USP37: variants seen among roughly 807,000 people sequenced by gnomAD.
USP37 encodes ubiquitin specific peptidase 37, also known as ubiquitin carboxyl-terminal hydrolase 37.
USP37 carries 27 observed loss-of-function variants against 124.0 expected under a neutral mutation model. The observed-to-expected ratio is 0.22, with a 90% CI of 0.16 to 0.30. The LOEUF is 0.30. Among genes scored for constraint, USP37 ranks in the 10% least tolerant of loss-of-function variants. The pLI, the probability that USP37 is intolerant of heterozygous loss-of-function variation, is 1.00. For missense variants in USP37, 889 were observed against 1,140.4 expected, an observed-to-expected ratio of 0.78 and a Z score of 3.17; for synonymous variants, 365 against 388.0, an observed-to-expected ratio of 0.94 and a Z score of 0.70.
chr2:218,567,142 G>A (rs931968735), intron 1 of USP37, among the ~76,000 whole-genome samples: 12 of 152,130 alleles, frequency 7.9e-5, no homozygotes, highest in South Asian at 4.1e-4. Flanking sequence ...AGAGGACCTA[G>A]GACTGAACCC....
intron 8 of USP37, among the ~76,000 whole-genome samples, chr2:218,535,173 G>C (rs1691551471): frequency 6.6e-6 from 1 of 151,708 alleles, no homozygotes; most frequent in Non-Finnish European, 1.5e-5. Flanking sequence ...AGACCAGCCT[G>C]GCCAACATAG....
At chr2:218,484,471 A>G (rs1383663557) in intron 16 of USP37, among the ~76,000 whole-genome samples, 1 of 151,656 alleles carries the variant, frequency 6.6e-6, no homozygotes, top group Non-Finnish European at 1.5e-5. Flanking sequence ...AAAATACAAA[A>G]ATTAGCCAGG....
chr2:218,511,879 C>G (rs192765987), intron 10 of USP37, among the ~76,000 whole-genome samples: 1 of 151,306 alleles, frequency 6.6e-6, no homozygotes, highest in Non-Finnish European at 1.5e-5. Flanking sequence ...CATAAGAGCA[C>G]AGAAATTTTT....
intron 1 of USP37, among the ~76,000 whole-genome samples, chr2:218,565,003 C>A (rs570306319): frequency 6.6e-6 from 1 of 152,174 alleles, no homozygotes; most frequent in Non-Finnish European, 1.5e-5. Flanking sequence ...CTCACTGCAA[C>A]CTCCACCTCC....
At chr2:218,504,673 GA>G (rs1574896357) in intron 11 of USP37, among the ~76,000 whole-genome samples, 1 of 152,144 alleles carries the variant, frequency 6.6e-6, no homozygotes, top group African/African-American at 2.4e-5. Flanking sequence ...AGCCTCAAGT[GA>G]TCCTCCCATT....
chr2:218,464,239 CT>C lies in USP37; in HGVS notation c.2467-874del, dbSNP rs71403042. Among the ~76,000 whole-genome samples, 416 of 142,410 alleles carry C rather than the reference CT, an allele frequency of 2.9e-3. 1 individual carries two copies. The highest frequency in any genetic ancestry group is 3.7e-3 in the Middle Eastern group (1 of 270). The allele number at this position is 142,410 out of a possible 152,430, so 93.4% of individuals were successfully genotyped here. A position where few individuals can be genotyped will look rare whatever the true frequency, so the allele number is the denominator to read the frequency against. ...CCACTGATCTAGAGAAATTAGATTT[CT>C]TTTTTTTTTTTTGAGACAGAGTCTT... On this transcript the variant is annotated intron_variant, in intron 21 of 25. Transcript: ENST00000258399.
At chr2:218,479,163 ATTTGTAGAATGC>A (rs934380923) in intron 18 of USP37, among the ~76,000 whole-genome samples, 3 of 152,222 alleles carry the variant, frequency 2.0e-5, no homozygotes, top group African/African-American at 7.2e-5. Context: ...AAAATAGGGC[ATTTGTAGAATGC>A]TTGCTTGTTT....
chr2:218,489,393 GAAAC>G (rs1691784494), intron 14 of USP37, among the ~76,000 whole-genome samples: 1 of 150,786 alleles, frequency 6.6e-6, no homozygotes, highest in African/African-American at 2.4e-5. Flanking sequence ...AAAAAAGAAA[GAAAC>G]AGAACAACAC....
At chr2:218,555,556 A>T (rs896994486) in intron 4 of USP37, among the ~76,000 whole-genome samples, 1 of 152,216 alleles carries the variant, frequency 6.6e-6, no homozygotes, top group Admixed American at 6.5e-5. Context: ...TCAATTTATC[A>T]CTTTTTAAAA....
chr2:218,530,570 T>C (rs1049594778), intron 9 of USP37, among the ~76,000 whole-genome samples: 2 of 152,124 alleles, frequency 1.3e-5, no homozygotes, highest in African/African-American at 4.8e-5. Context: ...TTAGGATAAT[T>C]AATAACCCTA....
Position 218,547,022 on chromosome 2 carries a change from C to T in USP37, c.499G>A (p.Gly167Ser). The T allele has an allele frequency of 1.2e-6, 2 of 1,612,732 alleles. No individual in the cohort carries two copies. Among genetic ancestry groups the T allele is most frequent in the Non-Finnish European group, 1.7e-6 (2 of 1,179,706 alleles). Residue 167 changes from glycine to serine, a missense_variant, in exon 7 of 26, where the codon GGT becomes AGT. Physicochemically the swap from Gly to Ser is moderately conservative, Grantham distance 56. Transcript: ENST00000258399. ...IPFRKVLGNP[G>S]RGSIKTVAGS... ...GCTACAGTCTTAATCGATCCTCTACCCGGATTACCAAGAACTTTTCGAAAT... is the reference window on the plus strand; with the variant it reads ...GCTACAGTCTTAATCGATCCTCTACTCGGATTACCAAGAACTTTTCGAAAT...
At chr2:218,506,742 T>C (rs1689703091) in intron 11 of USP37, among the ~76,000 whole-genome samples, 1 of 152,106 alleles carries the variant, frequency 6.6e-6, no homozygotes, top group Non-Finnish European at 1.5e-5. Flanking sequence ...CTTTTCTGAG[T>C]TAAAGCATTT....
Position 218,451,952 on chromosome 2 carries a change from TGA to T in USP37, c.*2976_*2977del, listed in dbSNP as rs1290153599. 1 of 152,646 alleles carries T rather than the reference TGA, an allele frequency of 6.6e-6. No homozygotes were observed. The highest frequency in any genetic ancestry group is 2.4e-5 in the African/African-American group (1 of 41,448). The allele number at this position is 152,646 out of a possible 1,614,324, so 9.5% of individuals were successfully genotyped here. ...TTCTATCCTGCTGAGACAAAACTCA[TGA>T]GTGTGCACACACATGTGAATATATC... On this transcript the variant is annotated 3_prime_UTR_variant, in exon 26 of 26. Coordinates refer to ENST00000258399, the MANE Select transcript of USP37 (RefSeq NM_020935.3).
intron 20 of USP37, among the ~76,000 whole-genome samples, chr2:218,468,780 A>T (rs879412637): frequency 1.3e-5 from 2 of 151,856 alleles, no homozygotes; most frequent in Non-Finnish European, 2.9e-5. Context: ...TGCAACCTCC[A>T]ACTCCCGGGT....
chr2:218,517,726 G>A (rs756097697), intron 10 of USP37, among the ~76,000 whole-genome samples: 2 of 152,058 alleles, frequency 1.3e-5, no homozygotes, highest in African/African-American at 4.8e-5. Flanking sequence ...TATTCATTAG[G>A]CTTCTTAATT....
intron 20 of USP37, among the ~76,000 whole-genome samples, chr2:218,468,726 C>T (rs1690507229): frequency 1.3e-5 from 2 of 152,094 alleles, no homozygotes; most frequent in African/African-American, 4.8e-5. Context: ...CCGACTCTCA[C>T]TCTGTTGGCC....
rs2106399722 is a variant in USP37 at position 218,450,576 on chromosome 2, T to C, written c.*4354A>G. On this transcript the variant is annotated 3_prime_UTR_variant, in exon 26 of 26. Coordinates refer to ENST00000258399, the MANE Select transcript of USP37 (RefSeq NM_020935.3). ...AACAATGACAATAGGCCAGAGAAGT[T>C]AGGGAGGGAAAGAAAAGCTCAAAGG... is the stretch of plus-strand genomic sequence containing the variant. 6.5e-6 allele frequency: 1 copy of C among 152,684 alleles called. No individual in the cohort carries two copies. The highest frequency in any genetic ancestry group is 2.4e-5 in the African/African-American group (1 of 41,566). 9.5% of individuals were successfully genotyped at this position (152,684 alleles called of 1,614,324 possible).
chr2:218,482,150 T>G lies in USP37; in HGVS notation c.1755A>C (p.Pro585=). ...NNKIGQQVII[P]RYLTLSSHCT... ...AATGAGATGACAGGGTCAGGTATCT[T>G]GGAATGATGACTTGCTGCCCAATCT... Residue 585 remains proline, a synonymous_variant, in exon 17 of 26, where the codon CCA becomes CCC. Transcript: ENST00000258399. 6.2e-7 allele frequency: 1 copy of G among 1,614,006 alleles called. No individual in the cohort carries two copies. The highest frequency in any genetic ancestry group is 8.5e-7 in the Non-Finnish European group (1 of 1,179,910).
At chr2:218,551,674 C>T (rs1417440709) in intron 5 of USP37, among the ~76,000 whole-genome samples, 1 of 152,162 alleles carries the variant, frequency 6.6e-6, no homozygotes, top group African/African-American at 2.4e-5. Flanking sequence ...GCTTTTCTTA[C>T]ACGTATCAAT....
Sources: allele counts gnomAD v4.1 joint callset (sites outside exome capture counted in the v4.1 genomes callset), GRCh38; gene constraint gnomAD v4.1.1; transcripts MANE v1.5; gene names NCBI Gene and HGNC (gene_info 2026-07-23, HGNC 2026-07-21).